Variants in CASK observed in about 807,000 individuals in gnomAD.
CASK encodes calcium/calmodulin dependent serine protein kinase.
A neutral mutation model predicts 82.9 loss-of-function variants in CASK; 4 were observed. That is an observed-to-expected ratio of 0.05 (90% CI 0.02 to 0.11). The LOEUF is 0.11. CASK is among the 10% of genes least tolerant of loss of function. The pLI is 1.00. For synonymous variants in CASK, 259 were observed against 253.5 expected (o/e 1.02, Z -0.20); for missense variants, 358 against 720.9 (o/e 0.50, Z 5.76).
intron 1 of CASK, among the ~76,000 whole-genome samples, chrX:41,907,405 T>G (rs1158937970): frequency 8.9e-6 from 1 of 111,835 alleles, no homozygotes; most frequent in Non-Finnish European, 1.9e-5. Flanking sequence ...AAGAGAAACA[T>G]TCATGTGCAT....
chrX:41,875,420 C>A (rs1330608498), intron 1 of CASK, among the ~76,000 whole-genome samples: 1 of 111,472 alleles, frequency 9.0e-6, no homozygotes, highest in Admixed American at 9.5e-5. Context: ...TCATGCAGAA[C>A]ATCTTGGTGT....
At chrX:41,906,760 G>A (rs2072476858) in intron 1 of CASK, among the ~76,000 whole-genome samples, 2 of 112,914 alleles carry the variant, frequency 1.8e-5, no homozygotes, top group African/African-American at 6.4e-5. Flanking sequence ...ACAGAAATGA[G>A]GAGGTTGTTC....
chrX:41,571,424 T>C (rs767742079), intron 15 of CASK, among the ~76,000 whole-genome samples: 2 of 111,686 alleles, frequency 1.8e-5, no homozygotes, highest in South Asian at 7.5e-4. Flanking sequence ...CCATTTTATC[T>C]AAGTTGTTGA....
chrX:41,849,233 A>G (rs2071214028), intron 2 of CASK, among the ~76,000 whole-genome samples: 1 of 112,188 alleles, frequency 8.9e-6, no homozygotes, highest in South Asian at 3.7e-4. Flanking sequence ...CAGAACTTTG[A>G]TAATTTAGTT....
intron 16 of CASK, among the ~76,000 whole-genome samples, chrX:41,565,537 A>T (rs1225300577): frequency 1.8e-5 from 2 of 111,824 alleles, no homozygotes; most frequent in Non-Finnish European, 3.8e-5. Flanking sequence ...CTAAACCAGG[A>T]AGAAGTTGAA....
chrX:41,787,356 G>A (rs1451560962), intron 2 of CASK, 73 bp from the exon 3 acceptor site: 2 of 618,862 alleles, frequency 3.2e-6, no homozygotes, highest in African/African-American at 4.3e-5. Flanking sequence ...TGAATGAATG[G>A]ATGTGATCTA....
intron 5 of CASK, among the ~76,000 whole-genome samples, chrX:41,680,923 A>AT (rs1427686188): frequency 4.5e-5 from 5 of 111,732 alleles, no homozygotes; most frequent in Non-Finnish European, 9.4e-5. Flanking sequence ...CTCAAAAAAA[A>AT]AAAATAAATA....
At chrX:41,743,917 G>A (rs1285888092) in intron 4 of CASK, among the ~76,000 whole-genome samples, 2 of 110,566 alleles carry the variant, frequency 1.8e-5, no homozygotes, top group Non-Finnish European at 3.8e-5. Flanking sequence ...AGATCAGCCT[G>A]GCCAACATGG....
At chrX:41,797,134 A>G (rs1221442995) in intron 2 of CASK, among the ~76,000 whole-genome samples, 1 of 97,318 alleles carries the variant, frequency 1.0e-5, no homozygotes, top group Non-Finnish European at 2.1e-5. Context: ...TTAGTCAAAC[A>G]ATTTAGCTCT....
chrX:41,873,047 TAAC>T lies in CASK; in HGVS notation c.60-19823_60-19821del, dbSNP rs762280084. ...AGAAAAGTGCTTTTGTCAGAAGTAA[TAAC>T]AAACAAAAGGACTGAAATGATGTCA... On this transcript the variant is annotated intron_variant, in intron 1 of 26. Coordinates refer to ENST00000378163, the MANE Select transcript of CASK (RefSeq NM_001367721.1). 5.4e-5 allele frequency among the ~76,000 whole-genome samples: 6 copies of T among 111,057 alleles called. No individual in the cohort carries two copies. In the East Asian group the frequency reaches 1.7e-3, roughly 31 times the overall value.
At chrX:41,791,132 T>C (rs1391507365) in intron 2 of CASK, among the ~76,000 whole-genome samples, 2 of 110,850 alleles carry the variant, frequency 1.8e-5, no homozygotes, top group East Asian at 5.6e-4. Flanking sequence ...CTTTGTACTT[T>C]CTTTTTTTTT....
intron 25 of CASK, among the ~76,000 whole-genome samples, chrX:41,525,646 C>T (rs756674817): frequency 1.8e-5 from 2 of 111,161 alleles, no homozygotes; most frequent in South Asian, 7.6e-4. Flanking sequence ...CATAAACTGC[C>T]CTTATGAAAA....
chrX:41,868,960 T>C (rs767490702), intron 1 of CASK, among the ~76,000 whole-genome samples: 1 of 111,753 alleles, frequency 8.9e-6, no homozygotes, highest in Non-Finnish European at 1.9e-5. Flanking sequence ...AAAGTTCTGC[T>C]TCCAATGATC....
intron 8 of CASK, among the ~76,000 whole-genome samples, chrX:41,639,275 T>G (rs1206742811): frequency 9.1e-6 from 1 of 109,448 alleles, no homozygotes; most frequent in African/African-American, 3.3e-5. Flanking sequence ...GGTTTCACCA[T>G]GTTGGGCAGG....
intron 12 of CASK, among the ~76,000 whole-genome samples, chrX:41,604,560 A>G (rs1410296922): frequency 9.1e-6 from 1 of 109,741 alleles, no homozygotes; most frequent in African/African-American, 3.3e-5. Flanking sequence ...GCCTTGATTT[A>G]GGACTTTCCA....
rs2064570108 is a variant in CASK at position 41,517,470 on chromosome X, A to T, written c.*2950T>A. On this transcript the variant is annotated 3_prime_UTR_variant, in exon 27 of 27. Transcript: ENST00000378163. ...TTAAAATGGGATATGCTGTATGTGC[A>T]AAGTAATTACTGTCTTGTGACTGGA... The T allele has an allele frequency of 4.3e-6, 1 of 230,593 alleles. No individual in the cohort carries two copies. Among genetic ancestry groups the T allele is most frequent in the Non-Finnish European group, 7.8e-6 (1 of 127,999 alleles). 19.0% of individuals were successfully genotyped at this position (230,593 alleles called of 1,213,427 possible).
chrX:41,725,717 T>C (rs1355962780), intron 5 of CASK, among the ~76,000 whole-genome samples: 4 of 112,088 alleles, frequency 3.6e-5, no homozygotes, highest in Non-Finnish European at 7.5e-5. Flanking sequence ...GATTTAAATA[T>C]AAGACAGAAA....
rs891821330 is a variant in CASK, at chrX:41,519,217, C to T, written c.*1203G>A. The T allele has an allele frequency of 1.8e-5, 2 of 111,815 alleles. No individual in the cohort carries two copies. The highest frequency in any genetic ancestry group is 3.3e-5 in the African/African-American group (1 of 30,752). 9.2% of individuals were successfully genotyped at this position (111,815 alleles called of 1,213,427 possible). ...GACCCAAAGGCATTTAATTATTGAA[C>T]ACATAAAAGGAAGTATATTTAAAAA... On this transcript the variant is annotated 3_prime_UTR_variant, in exon 27 of 27. Coordinates refer to ENST00000378163, the MANE Select transcript of CASK (RefSeq NM_001367721.1).
intron 1 of CASK, 72 bp downstream of exon 1, chrX:41,922,858 C>A: frequency 1.0e-6 from 1 of 983,971 alleles, no homozygotes; most frequent in Non-Finnish European, 1.4e-6. Flanking sequence ...AGGCCCCGAG[C>A]GGGTGCGGGA....
Sources: gnomAD v4.1 joint callset for allele counts (sites outside exome capture counted in the v4.1 genomes callset) on GRCh38, gnomAD v4.1.1 for gene constraint, MANE v1.5 for transcripts, NCBI Gene and HGNC (gene_info 2026-07-23, HGNC 2026-07-21) for gene names.